SGPP2: variants seen among roughly 807,000 people sequenced by gnomAD.
The protein encoded by SGPP2 is sphingosine 1-phosphate phosphohydrolase 2.
A neutral mutation model predicts 33.9 loss-of-function variants in SGPP2; 30 were observed. The ratio of observed to expected loss-of-function variants is 0.89; its 90% CI spans 0.66 to 1.20. The LOEUF (loss-of-function observed/expected upper bound fraction) is 1.20, where lower values mean the gene tolerates loss of function less well. Among genes scored for constraint, SGPP2 ranks in the 50% most tolerant of loss-of-function variants. The pLI is 0.00. For synonymous variants in SGPP2, 233 were observed against 225.0 expected, an observed-to-expected ratio of 1.04 and a Z score of -0.32; for missense variants, 458 against 532.1, an observed-to-expected ratio of 0.86 and a Z score of 1.37.
chr2:222,558,205 C>A, intron 4 of SGPP2, 142 bp from the exon 5 acceptor site: 1 of 932,014 alleles, frequency 1.1e-6, no homozygotes, highest in Non-Finnish European at 1.6e-6. Flanking sequence ...GAACTTTACA[C>A]TTTCTTTGAA....
rs113946153 is a variant in SGPP2 at position 222,477,661 on chromosome 2, T to C, written c.378+2935T>C. On this transcript the variant is annotated intron_variant, in intron 2 of 4. Coordinates refer to ENST00000321276, the MANE Select transcript of SGPP2 (RefSeq NM_152386.4). The surrounding 1 kb of genome is among the most constrained non-coding windows in gnomAD (Gnocchi z 6.0). The stretch of plus-strand genomic sequence containing the variant: ...GTTGAGTGGGGCAGATGATGAGAAG[T>C]ACATTACACAGGAATATCTTATAAT... Among the ~76,000 whole-genome samples the C allele has an allele frequency of 5.3e-5, 8 of 152,072 alleles. No individual in the cohort carries two copies. Among genetic ancestry groups the C allele is most frequent in the African/African-American group, 1.9e-4 (8 of 41,460 alleles).
At chr2:222,428,037 G>A (rs924932591) in intron 1 of SGPP2, among the ~76,000 whole-genome samples, 2 of 152,202 alleles carry the variant, frequency 1.3e-5, no homozygotes, top group African/African-American at 2.4e-5. Flanking sequence ...CACACAGTCA[G>A]GGGAAGTCAG....
intron 2 of SGPP2, among the ~76,000 whole-genome samples, chr2:222,508,557 A>T (rs183397034): frequency 7.2e-5 from 11 of 152,312 alleles, no homozygotes; most frequent in African/African-American, 2.6e-4. Context: ...CTTTCTTATA[A>T]TGAAAGGGAG....
At chr2:222,529,853 A>C (rs1009828292) in intron 4 of SGPP2, among the ~76,000 whole-genome samples, 4 of 152,220 alleles carry the variant, frequency 2.6e-5, no homozygotes, top group African/African-American at 7.2e-5. Context: ...GATCTATCAG[A>C]GGAATCACTA....
chr2:222,465,210 G>A lies in SGPP2; in HGVS notation c.220-9358G>A, dbSNP rs6712500. On this transcript the variant is annotated intron_variant, in intron 1 of 4. Coordinates refer to ENST00000321276, the MANE Select transcript of SGPP2 (RefSeq NM_152386.4). The surrounding 1 kb of genome is among the most constrained non-coding windows in gnomAD (Gnocchi z 4.1). The stretch of plus-strand genomic sequence containing the variant: ...TTACATTTTATTGACTTTCAGTCTC[G>A]CCATCCTGAAATTTTAATCACCTGA... Among the ~76,000 whole-genome samples, 14,384 of 152,076 alleles carry A rather than the reference G, an allele frequency of 0.095. 728 individuals are homozygous for A. The highest frequency in any genetic ancestry group is 0.13 in the East Asian group (675 of 5,150).
rs569784979 is a variant in SGPP2 at position 222,528,436 on chromosome 2, AAAAAAG to A, written c.648+3404_648+3409del. 1.5e-3 allele frequency among the ~76,000 whole-genome samples: 227 copies of A among 152,342 alleles called. 1 individual carries two copies. Among genetic ancestry groups the A allele is most frequent in the Admixed American group, 0.012 (191 of 15,300 alleles). On this transcript the variant is annotated intron_variant, in intron 4 of 4. Coordinates refer to ENST00000321276, the MANE Select transcript of SGPP2 (RefSeq NM_152386.4). ...AAGTGTGCAATTACATTATGTCTAA[AAAAAAG>A]CAATGTACATATAATATCTTAATTT...
In SGPP2 at chr2:222,528,299, G is replaced by T. The variant is rs374660193; in HGVS notation, c.648+3266G>T. 2.4e-4 allele frequency among the ~76,000 whole-genome samples: 37 copies of T among 152,194 alleles called. No homozygotes were observed. The East Asian group carries it at 4.1e-3, about 17-fold the overall frequency. On this transcript the variant is annotated intron_variant, in intron 4 of 4. Transcript: ENST00000321276. ...CAGGCCTAACTCAGAATCACAGCGG[G>T]TTCAGTTCCAAACCATCACCATCAA... is the stretch of plus-strand genomic sequence containing the variant.
intron 1 of SGPP2, among the ~76,000 whole-genome samples, chr2:222,444,845 T>TA (rs1697376545): frequency 6.6e-6 from 1 of 152,228 alleles, no homozygotes; most frequent in Admixed American, 6.5e-5. Flanking sequence ...GAGTTTTTTT[T>TA]ATTAGAGTAT....
upstream of SGPP2, chr2:222,424,493 G>C: frequency 1.3e-5 from 10 of 750,738 alleles, no homozygotes; most frequent in Non-Finnish European, 1.7e-5. Context: ...CCGCCCGCCC[G>C]GCCTCCGCCC....
At chr2:222,535,377 C>CAAAA (rs59455252) in intron 4 of SGPP2, among the ~76,000 whole-genome samples, 2 of 106,866 alleles carry the variant, frequency 1.9e-5, no homozygotes, top group African/African-American at 7.1e-5. Flanking sequence ...GACTCTGTCT[C>CAAAA]AAAAAAAAAA....
intron 1 of SGPP2, among the ~76,000 whole-genome samples, chr2:222,458,129 C>T (rs775719111): frequency 3.9e-5 from 6 of 152,018 alleles, no homozygotes; most frequent in East Asian, 1.9e-4. Flanking sequence ...TGGCTCACTA[C>T]GGCCTCAACC....
At chr2:222,503,224 G>A (rs959535033) in intron 2 of SGPP2, among the ~76,000 whole-genome samples, 4 of 152,204 alleles carry the variant, frequency 2.6e-5, no homozygotes, top group Admixed American at 6.5e-5. Flanking sequence ...AACCAAGAGC[G>A]TTGTTGCTAA....
In SGPP2 at chr2:222,474,718, A is replaced by C. The variant is rs149282828; in HGVS notation, c.370A>C (p.Ile124Leu). Reference protein sequence around the residue: ...DPYLSRRLIIIWVLVMYIGQV... With the variant: ...DPYLSRRLIILWVLVMYIGQV... ...TTATTTATCCAGAAGATTGATCATC[A>C]TATGGGTTGTAAGTATTATTACTAC... is the stretch of plus-strand genomic sequence containing the variant. The change falls in exon 2 of 5, where the codon ATA (isoleucine) becomes CTA (leucine). Residue 124 changes from isoleucine (I) to leucine (L), a missense_variant. Coordinates refer to ENST00000321276, the MANE Select transcript of SGPP2 (RefSeq NM_152386.4). 2.4e-3 allele frequency: 3,895 copies of C among 1,613,134 alleles called. 9 individuals are homozygous for C. The highest frequency in any genetic ancestry group is 2.8e-3 in the Non-Finnish European group (3,252 of 1,179,280).
intron 1 of SGPP2, among the ~76,000 whole-genome samples, chr2:222,440,064 A>G (rs781229976): frequency 6.6e-6 from 1 of 152,234 alleles, no homozygotes; most frequent in African/African-American, 2.4e-5. Flanking sequence ...GCCTTATAAA[A>G]ACTGGTTCTG....
chr2:222,549,247 C>T (rs1160268619), intron 4 of SGPP2, among the ~76,000 whole-genome samples: 2 of 152,220 alleles, frequency 1.3e-5, no homozygotes, highest in Non-Finnish European at 2.9e-5. Flanking sequence ...TGTTCTCTCC[C>T]TTTCTTTCTC....
Position 222,444,563 on chromosome 2 carries a change from A to G in SGPP2, c.219+19742A>G, listed in dbSNP as rs376803402. 1.7e-3 allele frequency among the ~76,000 whole-genome samples: 259 copies of G among 152,328 alleles called. 2 individuals carry two copies. In the Middle Eastern group the frequency reaches 0.017, roughly 10 times the overall value. Reference sequence around the variant, plus strand: ...CCTGCTCTTGAAGAGCTCTCAGTGCATTGGTGGAGACAGGTAAACAGGTGA... The same window carrying G: ...CCTGCTCTTGAAGAGCTCTCAGTGCGTTGGTGGAGACAGGTAAACAGGTGA... On this transcript the variant is annotated intron_variant, in intron 1 of 4. Coordinates refer to ENST00000321276, the MANE Select transcript of SGPP2 (RefSeq NM_152386.4).
intron 4 of SGPP2, among the ~76,000 whole-genome samples, chr2:222,530,454 G>T (rs780766083): frequency 2.0e-5 from 3 of 152,198 alleles, no homozygotes; most frequent in Non-Finnish European, 4.4e-5. Flanking sequence ...ACTAGCTATA[G>T]CTTCTCTATC....
intron 4 of SGPP2, among the ~76,000 whole-genome samples, chr2:222,542,473 C>T (rs1699013084): frequency 6.6e-6 from 1 of 152,176 alleles, no homozygotes; most frequent in Non-Finnish European, 1.5e-5. Flanking sequence ...ATATGTTCAG[C>T]TTTAGTATGT....
chr2:222,535,075 G>C (rs1032179232), intron 4 of SGPP2, among the ~76,000 whole-genome samples: 5 of 152,146 alleles, frequency 3.3e-5, no homozygotes, highest in African/African-American at 9.7e-5. Context: ...AAGCCACAGT[G>C]GGGGCGCAGT....
Sources: allele counts gnomAD v4.1 joint callset (sites outside exome capture counted in the v4.1 genomes callset), GRCh38; gene constraint gnomAD v4.1.1; non-coding constraint Gnocchi (gnomAD v3.1); transcripts MANE v1.5; gene names NCBI Gene and HGNC (gene_info 2026-07-23, HGNC 2026-07-21).